ZNF90: variants seen among roughly 807,000 people sequenced by gnomAD.
The protein encoded by ZNF90 is zinc finger protein HTF9.
In ZNF90, 11 loss-of-function variants were observed where a neutral mutation model predicts 12.0. That is an observed-to-expected ratio of 0.92 (90% CI 0.58 to 1.52). The LOEUF (loss-of-function observed/expected upper bound fraction) is 1.52. ZNF90 is among the 40% of genes most tolerant of loss of function. The pLI, the probability that ZNF90 is intolerant of heterozygous loss-of-function variation, is 0.00. For missense variants in ZNF90, 765 were observed against 711.5 expected (o/e 1.08, Z -0.86); for synonymous variants, 232 against 240.1 (o/e 0.97, Z 0.31).
Position 20,095,959 on chromosome 19 carries a change from G to A in ZNF90, c.4-8280G>A, listed in dbSNP as rs149644105. Among the ~76,000 whole-genome samples the A allele has an allele frequency of 5.9e-3, 906 of 152,306 alleles. 12 individuals carry two copies. Among genetic ancestry groups the A allele is most frequent in the African/African-American group, 0.021 (871 of 41,564 alleles). On this transcript the variant is annotated intron_variant, in intron 1 of 3. Transcript: ENST00000418063. ...GAAACGTGAGTGTATAATCAGAGAG[G>A]CATCCCTGCAATGATTAAACACCAA...
At chr19:20,078,818 A>T (rs1328365827) in intron 1 of ZNF90, among the ~76,000 whole-genome samples, 1 of 152,046 alleles carries the variant, frequency 6.6e-6, no homozygotes, top group African/African-American at 2.4e-5. Context: ...ACAGAACTGC[A>T]TTAGGGCTAA....
intron 1 of ZNF90, among the ~76,000 whole-genome samples, chr19:20,078,516 A>G (rs953747547): frequency 6.6e-6 from 1 of 151,700 alleles, no homozygotes; most frequent in Non-Finnish European, 1.5e-5. Flanking sequence ...CTCCTATTAA[A>G]AACTTATGGG....
intron 3 of ZNF90, among the ~76,000 whole-genome samples, chr19:20,114,772 A>G (rs7256935): frequency 0.34 from 51,041 of 151,740 alleles, 12,981 homozygotes; most frequent in African/African-American, 0.7. Context: ...AGTGTTCTCT[A>G]TACCTTCATT....
chr19:20,116,057 C>T (rs1235588093), intron 3 of ZNF90, among the ~76,000 whole-genome samples: 2 of 152,008 alleles, frequency 1.3e-5, no homozygotes, highest in African/African-American at 2.4e-5. Context: ...ATTTTTAGTA[C>T]AGACAGGGTT....
chr19:20,084,350 C>A (rs2088843418), intron 1 of ZNF90, among the ~76,000 whole-genome samples: 1 of 152,186 alleles, frequency 6.6e-6, no homozygotes, highest in Non-Finnish European at 1.5e-5. Flanking sequence ...AGCCACTGCG[C>A]CAGGCTGACC....
intron 1 of ZNF90, among the ~76,000 whole-genome samples, chr19:20,103,976 A>T (rs1720422651): frequency 1.3e-5 from 2 of 152,230 alleles, no homozygotes; most frequent in South Asian, 4.1e-4. Context: ...GTACATGTTC[A>T]TGTTCATGCC....
intron 1 of ZNF90, among the ~76,000 whole-genome samples, chr19:20,094,302 A>C (rs2088925366): frequency 6.6e-6 from 1 of 152,176 alleles, no homozygotes; most frequent in Non-Finnish European, 1.5e-5. Context: ...TGAGGGCCAG[A>C]TTCTAATTTT....
At position 20,118,849 on chromosome 19, in the gene ZNF90, A is replaced by G. The variant is rs781900162; in HGVS notation, c.1295A>G (p.Lys432Arg). The change falls in exon 4 of 4, where the codon AAA becomes AGA. Residue 432 changes from lysine to arginine, a missense_variant. Physicochemically the swap from Lys to Arg is conservative, Grantham distance 26. Coordinates refer to ENST00000418063, the MANE Select transcript of ZNF90 (RefSeq NM_007138.2). ...EKPYKCQECD[K>R]VFKRSSALST... The stretch of plus-strand genomic sequence containing the variant: ...CCCTACAAATGTCAAGAATGTGACA[A>G]AGTCTTCAAACGCTCCTCAGCCCTT... The G allele has an allele frequency of 5.0e-6, 8 of 1,606,062 alleles. No homozygotes were observed. The African/African-American group carries it at 9.4e-5, about 19-fold the overall frequency.
At chr19:20,087,061 C>G (rs1244468282) in intron 1 of ZNF90, 1 of 152,138 alleles carries the variant, frequency 6.6e-6, no homozygotes, top group Non-Finnish European at 1.5e-5. Context: ...TATAGAACCT[C>G]CATTCAATGG....
Position 20,101,286 on chromosome 19 carries a change from G to A in ZNF90, c.4-2953G>A, listed in dbSNP as rs113686424. Among the ~76,000 whole-genome samples, 615 of 152,254 alleles carry A rather than the reference G, an allele frequency of 4.0e-3. 6 individuals are homozygous for A. Among genetic ancestry groups the A allele is most frequent in the African/African-American group, 0.014 (588 of 41,556 alleles). On this transcript the variant is annotated intron_variant, in intron 1 of 3. Transcript: ENST00000418063. ...TCCACGGTTCTCTTCCATGACCCAC[G>A]GCTTCTAATAGAATTATAAGACTCA...
intron 1 of ZNF90, among the ~76,000 whole-genome samples, chr19:20,094,480 A>G (rs1319302330): frequency 6.6e-6 from 1 of 152,062 alleles, no homozygotes; most frequent in African/African-American, 2.4e-5. Context: ...TAGTTTCTTT[A>G]AGTTTGTCAT....
At chr19:20,115,716 C>T (rs557339470) in intron 3 of ZNF90, among the ~76,000 whole-genome samples, 20 of 152,046 alleles carry the variant, frequency 1.3e-4, no homozygotes, top group African/African-American at 4.1e-4. Context: ...ATGTTTACAT[C>T]ATTTTTCTTT....
At chr19:20,111,891 C>T (rs1310850618) in intron 3 of ZNF90, among the ~76,000 whole-genome samples, 7 of 150,236 alleles carry the variant, frequency 4.7e-5, no homozygotes, top group Admixed American at 2.0e-4. Flanking sequence ...TGGAGTCTCA[C>T]TCTATTGCCC....
At chr19:20,102,084 G>A (rs1555703951) in intron 1 of ZNF90, among the ~76,000 whole-genome samples, 1 of 152,208 alleles carries the variant, frequency 6.6e-6, no homozygotes, top group Admixed American at 6.5e-5. Context: ...GTTTCAGCTT[G>A]TTAACTTCCT....
At chr19:20,078,880 T>C (rs1389920597) in intron 1 of ZNF90, among the ~76,000 whole-genome samples, 9 of 152,034 alleles carry the variant, frequency 5.9e-5, no homozygotes, top group Non-Finnish European at 1.3e-4. Context: ...TTCAGCACTT[T>C]GGGGCGCCGA....
In ZNF90 at chr19:20,120,329, A is replaced by G. The variant is rs2089184791; in HGVS notation, c.*969A>G. ...TCAGAAAATAGAAGCCTTTAAAGTG[A>G]AGAAGAGTATTCTGAAGACAACCAT... On this transcript the variant is annotated 3_prime_UTR_variant, in exon 4 of 4. Coordinates refer to ENST00000418063, the MANE Select transcript of ZNF90 (RefSeq NM_007138.2). 2.0e-5 allele frequency among the ~76,000 whole-genome samples: 3 copies of G among 152,326 alleles called. No homozygotes were observed. The highest frequency in any genetic ancestry group is 4.1e-4 in the South Asian group (2 of 4,822).
chr19:20,117,131 C>T (rs2089145029), intron 3 of ZNF90, among the ~76,000 whole-genome samples: 1 of 151,746 alleles, frequency 6.6e-6, no homozygotes, highest in Non-Finnish European at 1.5e-5. Flanking sequence ...CATTCTCTAC[C>T]TCCACAGTTC....
At chr19:20,100,141 T>C (rs1322076492) in intron 1 of ZNF90, among the ~76,000 whole-genome samples, 2 of 152,136 alleles carry the variant, frequency 1.3e-5, no homozygotes, top group Non-Finnish European at 2.9e-5. Context: ...AGAGATAGAA[T>C]GGGGAACCTC....
chr19:20,106,872 C>G, intron 3 of ZNF90: 1 of 454,546 alleles, frequency 2.2e-6, no homozygotes, highest in South Asian at 1.6e-5. Context: ...GCTGCTGGGT[C>G]TGCACTAGGG....
Sources: gnomAD v4.1 joint callset for allele counts (sites outside exome capture counted in the v4.1 genomes callset) on GRCh38, gnomAD v4.1.1 for gene constraint, MANE v1.5 for transcripts, NCBI Gene and HGNC (gene_info 2026-07-23, HGNC 2026-07-21) for gene names.